The following ARMC9 variants were observed in gnomAD, a reference collection of about 807,000 sequenced individuals.
The protein encoded by ARMC9 is armadillo repeat containing 9.
In ARMC9, 94 loss-of-function variants were observed where a neutral mutation model predicts 107.0. The ratio of observed to expected loss-of-function variants is 0.88; its 90% CI spans 0.74 to 1.04. The LOEUF is 1.04. ARMC9 is among the 50% of genes least tolerant of loss of function. ARMC9 has a pLI of 0.00. For synonymous variants in ARMC9, 380 were observed against 396.9 expected (o/e 0.96, Z 0.51); for missense variants, 942 against 1,030.1 (o/e 0.91, Z 1.17).
intron 20 of ARMC9, among the ~76,000 whole-genome samples, chr2:231,337,284 ATATATATTTTTTT>A (rs1318470409): frequency 4.4e-4 from 24 of 55,110 alleles, no homozygotes; most frequent in Non-Finnish European, 6.4e-4. Context: ...ATATATATAT[ATATATATTTTTTT>A]TTTTTTTTTT....
At chr2:231,220,684 A>AC (rs2034030655) in intron 5 of ARMC9, among the ~76,000 whole-genome samples, 1 of 151,706 alleles carries the variant, frequency 6.6e-6, no homozygotes, top group African/African-American at 2.4e-5. Flanking sequence ...TAACAAATCG[A>AC]CCCACCACGC....
chr2:231,203,147 TCTC>T (rs1235180904), intron 1 of ARMC9, among the ~76,000 whole-genome samples: 1 of 152,120 alleles, frequency 6.6e-6, no homozygotes, highest in African/African-American at 2.4e-5. Flanking sequence ...TTCTCTCCTC[TCTC>T]CTCTTTCTTT....
chr2:231,218,721 T>C (rs1211700163), intron 5 of ARMC9, among the ~76,000 whole-genome samples: 3 of 152,192 alleles, frequency 2.0e-5, no homozygotes, highest in African/African-American at 7.2e-5. Context: ...TAATCACAGA[T>C]ATTTTAGTAT....
intron 11 of ARMC9, among the ~76,000 whole-genome samples, chr2:231,260,542 G>A (rs2038235835): frequency 6.6e-6 from 1 of 152,190 alleles, no homozygotes; most frequent in Non-Finnish European, 1.5e-5. Context: ...TTCTATGGTA[G>A]TGCTTCCTGA....
chr2:231,373,590 AC>A lies in ARMC9; in HGVS notation c.*2056del, dbSNP rs1476151531. 2.6e-5 allele frequency: 4 copies of A among 152,188 alleles called. No individual in the cohort carries two copies. The highest frequency in any genetic ancestry group is 9.6e-5 in the African/African-American group (4 of 41,454). 9.4% of individuals were successfully genotyped at this position (152,188 alleles called of 1,614,324 possible). A position where few individuals can be genotyped will look rare whatever the true frequency, so the allele number is the denominator to read the frequency against. ...CTTTTAGAGAAGTGGGGAGTATCCA[AC>A]TTAGGGTCAAAATACACTGAGATTA... On this transcript the variant is annotated 3_prime_UTR_variant, in exon 25 of 25. Transcript: ENST00000611582. This position sits in a 1 kb window ranked among gnomAD's most constrained non-coding sequence, Gnocchi z 4.4.
chr2:231,257,137 C>A (rs1309242433), intron 10 of ARMC9, among the ~76,000 whole-genome samples: 5 of 152,180 alleles, frequency 3.3e-5, no homozygotes, highest in Admixed American at 6.5e-5. Context: ...TAATTCTATT[C>A]TTTTGGTAAG....
chr2:231,222,710 G>C lies in ARMC9; in HGVS notation c.505-18G>C, dbSNP rs1329157365. On this transcript the variant is annotated intron_variant, in intron 5 of 24. Coordinates refer to ENST00000611582, the MANE Select transcript of ARMC9 (RefSeq NM_001352754.2). Reference sequence around the variant, plus strand: ...TTAGTAATCTAATGTTTGTATTTTTGTTCCCTTTTTTCTTTAGGATTCCTG... The same window carrying C: ...TTAGTAATCTAATGTTTGTATTTTTCTTCCCTTTTTTCTTTAGGATTCCTG... 2 of 1,355,682 alleles carry C rather than the reference G, an allele frequency of 1.5e-6. No homozygotes were observed. Among genetic ancestry groups the C allele is most frequent in the African/African-American group, 2.9e-5 (2 of 68,530 alleles). The allele number at this position is 1,355,682 out of a possible 1,614,324, so 84.0% of individuals were successfully genotyped here. A position where few individuals can be genotyped will look rare whatever the true frequency, so the allele number is the denominator to read the frequency against.
At chr2:231,352,081 C>T (rs1292379060) in intron 21 of ARMC9, among the ~76,000 whole-genome samples, 1 of 152,112 alleles carries the variant, frequency 6.6e-6, no homozygotes, top group Non-Finnish European at 1.5e-5. Flanking sequence ...ATCCTCCCAC[C>T]TCAGCCTCCC....
chr2:231,265,562 T>A (rs2038784178), intron 12 of ARMC9, among the ~76,000 whole-genome samples: 1 of 152,106 alleles, frequency 6.6e-6, no homozygotes, highest in African/African-American at 2.4e-5. Context: ...CAAACAAAAA[T>A]TTTATAATGG....
At chr2:231,238,940 C>T (rs1251850225) in intron 8 of ARMC9, among the ~76,000 whole-genome samples, 1 of 152,196 alleles carries the variant, frequency 6.6e-6, no homozygotes, top group African/African-American at 2.4e-5. Flanking sequence ...AGTAGCCCTG[C>T]TTCCCACGCA....
At chr2:231,307,734 C>T (rs1355072923) in intron 19 of ARMC9, among the ~76,000 whole-genome samples, 1 of 152,208 alleles carries the variant, frequency 6.6e-6, no homozygotes, top group Non-Finnish European at 1.5e-5. Flanking sequence ...AACCAGGTTC[C>T]AGAGCAGGGA....
At chr2:231,233,044 T>C (rs895706962) in intron 7 of ARMC9, among the ~76,000 whole-genome samples, 5 of 151,852 alleles carry the variant, frequency 3.3e-5, no homozygotes, top group African/African-American at 1.2e-4. Flanking sequence ...AGAGACGGGG[T>C]TTCACCATGT....
rs111681282 is a variant in ARMC9, at chr2:231,281,773, T to C, written c.1552-286T>C. Among the ~76,000 whole-genome samples, 920 of 152,110 alleles carry C rather than the reference T, an allele frequency of 6.0e-3. 10 individuals carry two copies. Among genetic ancestry groups the C allele is most frequent in the African/African-American group, 0.021 (880 of 41,494 alleles). ...ATGACTCCAGAGTTTCTAGCCTGAG[T>C]GATTAGGAAGTTAAAGGTAACTTTA... On this transcript the variant is annotated intron_variant, in intron 16 of 24. Transcript: ENST00000611582.
chr2:231,292,123 G>A (rs1197646209), intron 18 of ARMC9, among the ~76,000 whole-genome samples: 8 of 149,778 alleles, frequency 5.3e-5, no homozygotes, highest in African/African-American at 1.7e-4. Context: ...AGCCGAGATT[G>A]CGCCATTGCA....
chr2:231,324,854 G>A (rs1038201674), intron 19 of ARMC9, among the ~76,000 whole-genome samples: 15 of 151,982 alleles, frequency 9.9e-5, no homozygotes, highest in Non-Finnish European at 1.9e-4. Context: ...GCAGAAGATC[G>A]CTTGAGCCCA....
chr2:231,272,576 G>T (rs113246983), intron 13 of ARMC9, among the ~76,000 whole-genome samples: 1 of 152,044 alleles, frequency 6.6e-6, no homozygotes, highest in Non-Finnish European at 1.5e-5. Flanking sequence ...GAGTGTGGTG[G>T]CACGATCTCA....
chr2:231,308,952 C>T (rs371297237), intron 19 of ARMC9, among the ~76,000 whole-genome samples: 84 of 152,356 alleles, frequency 5.5e-4, no homozygotes, highest in Non-Finnish European at 9.7e-4. Flanking sequence ...GCACAGGCTA[C>T]GCTTCTAATC....
chr2:231,241,962 T>C (rs958953687), intron 9 of ARMC9, among the ~76,000 whole-genome samples: 6 of 152,078 alleles, frequency 3.9e-5, no homozygotes, highest in Admixed American at 2.0e-4. Context: ...TATTATGTAA[T>C]ATTTCCTGCA....
chr2:231,259,075 A>AGC lies in ARMC9; in HGVS notation c.1000_1001dup (p.Phe335ProfsTer11). 1 of 1,614,122 alleles carries AGC rather than the reference A, an allele frequency of 6.2e-7. No homozygotes were observed. The highest frequency in any genetic ancestry group is 1.1e-5 in the South Asian group (1 of 91,068). On this transcript the variant is annotated frameshift_variant, in exon 11 of 25. Transcript: ENST00000611582. LOFTEE classifies it high-confidence loss of function. ...TGATTTTGGGGAGTGACCGCTTGAA[A>AGC]GCCTTCTTGTTGCAGGCTCTGCGCT...
Sources: allele counts gnomAD v4.1 joint callset (sites outside exome capture counted in the v4.1 genomes callset), GRCh38; gene constraint gnomAD v4.1.1; non-coding constraint Gnocchi (gnomAD v3.1); transcripts MANE v1.5; gene names NCBI Gene and HGNC (gene_info 2026-07-23, HGNC 2026-07-21).